Variants in PLCB3 observed in about 807,000 individuals in gnomAD.
The protein encoded by PLCB3 is 1-phosphatidylinositol 4,5-bisphosphate phosphodiesterase beta-3.
In PLCB3, 54 loss-of-function variants were observed where a neutral mutation model predicts 152.1. That is an observed-to-expected ratio of 0.36 (90% confidence interval 0.29 to 0.45). The LOEUF is 0.45. Among genes scored for constraint, PLCB3 ranks in the 20% least tolerant of loss-of-function variants. PLCB3 has a pLI of 1.00. For missense variants in PLCB3, 1,248 were observed against 1,687.5 expected (o/e 0.74, Z 4.56); for synonymous variants, 717 against 698.7 (o/e 1.03, Z -0.41).
chr11:64,262,726 C>G lies in PLCB3; in HGVS notation c.2273C>G (p.Thr758Arg). ...EVDMFGLPVD[T>R]RRKYRTRTSQ... ...GACATGTTTGGCCTCCCTGTTGATA[C>G]GCGGCGCAAGTACCGCACCCGGACC... The change falls in exon 19 of 31, where the codon ACG becomes AGG. Residue 758 changes from threonine to arginine, a missense_variant. Thr to Arg is a moderately conservative substitution (Grantham distance 71). Around this residue, in one of 6 missense-constraint regions of PLCB3, gnomAD observed 244 missense variants for 424.4 expected, o/e 0.57. Coordinates refer to ENST00000279230, the MANE Select transcript of PLCB3 (RefSeq NM_000932.5). 1 of 1,613,862 alleles carries G rather than the reference C, an allele frequency of 6.2e-7. No homozygotes were observed. Among genetic ancestry groups the G allele is most frequent in the Non-Finnish European group, 8.5e-7 (1 of 1,179,986 alleles).
Position 64,261,459 on chromosome 11 carries a change from C to A in PLCB3, c.1791C>A (p.Ile597=), listed in dbSNP as rs373608404. The change falls in exon 15 of 31, where the codon ATC becomes ATA. Residue 597 remains isoleucine, a synonymous_variant. Transcript: ENST00000279230. ...TEEMSTLVNY[I]EPVKFKSFEA... is the part of the protein sequence containing the mutation. Reference sequence around the variant, plus strand: ...AGATGTCCACGCTTGTCAACTACATCGAACCTGTCAAGTTCAAGTCCTTTG... The same window carrying A: ...AGATGTCCACGCTTGTCAACTACATAGAACCTGTCAAGTTCAAGTCCTTTG... The A allele has an allele frequency of 1.4e-5, 23 of 1,614,108 alleles. No individual in the cohort carries two copies. The highest frequency in any genetic ancestry group is 1.9e-5 in the Non-Finnish European group (23 of 1,179,956).
chr11:64,254,854 C>G, intron 3 of PLCB3, 38 bp downstream of exon 3: 1 of 1,613,738 alleles, frequency 6.2e-7, no homozygotes, highest in Non-Finnish European at 8.5e-7. Flanking sequence ...CACAGCGAGG[C>G]TGTGCGGGAG....
Position 64,266,812 on chromosome 11 carries a change from T to C in PLCB3, c.3414+260T>C, listed in dbSNP as rs1243980931. On this transcript the variant is annotated intron_variant, in intron 29 of 30. Coordinates refer to ENST00000279230, the MANE Select transcript of PLCB3 (RefSeq NM_000932.5). This position sits in a 1 kb window ranked among gnomAD's most constrained non-coding sequence, Gnocchi z 4.9. ...GAGCCTTCGCCCACCTGACTTCTTT[T>C]TCTTTGAGACAGAGTCTCACTCTGT... is the stretch of plus-strand genomic sequence containing the variant. Among the ~76,000 whole-genome samples, 1 of 150,902 alleles carries C rather than the reference T, an allele frequency of 6.6e-6. No individual in the cohort carries two copies. The highest frequency in any genetic ancestry group is 2.4e-5 in the African/African-American group (1 of 40,944).
Position 64,258,347 on chromosome 11 carries a change from G to T in PLCB3, c.1013-126G>T. ...GCTCACGCTGGTGGGATGGACAGGT[G>T]GTGGGTATCCATCTGAGAGATGGAG... On this transcript the variant is annotated intron_variant, in intron 10 of 30. Coordinates refer to ENST00000279230, the MANE Select transcript of PLCB3 (RefSeq NM_000932.5). The surrounding 1 kb of genome is among the most constrained non-coding windows in gnomAD (Gnocchi z 7.2). 9.5e-7 allele frequency: 1 copy of T among 1,056,930 alleles called. No homozygotes were observed. The highest frequency in any genetic ancestry group is 1.6e-5 in the South Asian group (1 of 63,652). 65.5% of individuals were successfully genotyped at this position (1,056,930 alleles called of 1,614,324 possible). A position where few individuals can be genotyped will look rare whatever the true frequency, so the allele number is the denominator to read the frequency against.
chr11:64,252,042 AGACT>A (rs1051917146), intron 1 of PLCB3, among the ~76,000 whole-genome samples: 2 of 151,754 alleles, frequency 1.3e-5, no homozygotes, highest in African/African-American at 4.8e-5. Flanking sequence ...GCTCCCTGCC[AGACT>A]AATTCTCGTT....
rs112796399 is a variant in PLCB3, at chr11:64,254,738, T to A, written c.178-10T>A. The A allele has an allele frequency of 1.9e-6, 3 of 1,612,056 alleles. No individual in the cohort carries two copies. Among genetic ancestry groups the A allele is most frequent in the Non-Finnish European group, 2.5e-6 (3 of 1,179,662 alleles). ...CTCTCATACTCAGCCTGGCATCTGGTTCCCCCCAGGAGGTGGACACACTGG... is the reference window on the plus strand; with the variant it reads ...CTCTCATACTCAGCCTGGCATCTGGATCCCCCCAGGAGGTGGACACACTGG... On this transcript the variant is annotated splice_polypyrimidine_tract_variant and intron_variant, in intron 2 of 30. Coordinates refer to ENST00000279230, the MANE Select transcript of PLCB3 (RefSeq NM_000932.5).
rs146411012 is a variant in PLCB3 at position 64,256,703 on chromosome 11, G to A, written c.951G>A (p.Thr317=). The change falls in exon 10 of 31, where the codon ACG becomes ACA. Residue 317 remains threonine (T), a synonymous_variant. Coordinates refer to ENST00000279230, the MANE Select transcript of PLCB3 (RefSeq NM_000932.5). ...ILPLEALDLS[T]DMTQPLSAYF... ...CCCTGGAAGCCCTGGATCTGAGCAC[G>A]GACATGACCCAGCCACTGAGTGCCT... 20 of 1,614,236 alleles carry A rather than the reference G, an allele frequency of 1.2e-5. No homozygotes were observed. The highest frequency in any genetic ancestry group is 1.1e-4 in the East Asian group (5 of 44,882).
chr11:64,256,574 C>T, intron 9 of PLCB3, 32 bp downstream of exon 9: 1 of 1,613,164 alleles, frequency 6.2e-7, no homozygotes, highest in Non-Finnish European at 8.5e-7. Context: ...TGGGTGGGGG[C>T]AGGTGGGACC....
Position 64,255,477 on chromosome 11 carries a change from C to G in PLCB3, c.521+28C>G, listed in dbSNP as rs753583187. The G allele has an allele frequency of 1.2e-6, 2 of 1,614,088 alleles. No homozygotes were observed. Among genetic ancestry groups the G allele is most frequent in the Non-Finnish European group, 1.7e-6 (2 of 1,179,924 alleles). The stretch of plus-strand genomic sequence containing the variant: ...GAGCACCCCTTCCCCCAGCACCTTC[C>G]TCCTGCCCTGACCTTGGTGACCTTT... On this transcript the variant is annotated intron_variant, in intron 6 of 30. Coordinates refer to ENST00000279230, the MANE Select transcript of PLCB3 (RefSeq NM_000932.5). The surrounding 1 kb of genome is among the most constrained non-coding windows in gnomAD (Gnocchi z 6.8).
rs1390336440 is a variant in PLCB3 at position 64,258,637 on chromosome 11, C to CTGGA, written c.1178_1181dup (p.Glu394AspfsTer35). The CTGGA allele has an allele frequency of 6.2e-7, 1 of 1,613,858 alleles. No homozygotes were observed. The highest frequency in any genetic ancestry group is 1.3e-5 in the African/African-American group (1 of 74,918). ...CACAGAGGTGCCTCTGCGCGACGTG[C>CTGGA]TGGAGGCCATTGCCGAGACTGCCTT... is the stretch of plus-strand genomic sequence containing the variant. On this transcript the variant is annotated frameshift_variant, in exon 11 of 31. Coordinates refer to ENST00000279230, the MANE Select transcript of PLCB3 (RefSeq NM_000932.5). LOFTEE classifies it high-confidence loss of function. This position sits in a 1 kb window ranked among gnomAD's most constrained non-coding sequence, Gnocchi z 7.2.
chr11:64,254,458 A>T lies in PLCB3; in HGVS notation c.143A>T (p.Asn48Ile). ...RNLVTLRVDP[N>I]GFFLYWTGPN... ...CTGGTGACCCTGCGTGTGGACCCCA[A>T]TGGCTTCTTCTTGTACTGGACGGGC... Residue 48 changes from asparagine (N) to isoleucine (I), a missense_variant, in exon 2 of 31, where the codon AAT becomes ATT. Physicochemically the swap from Asn to Ile is moderately radical, Grantham distance 149. Around this residue, in one of 6 missense-constraint regions of PLCB3, gnomAD observed 299 missense variants for 434.7 expected, o/e 0.69. Transcript: ENST00000279230. The T allele has an allele frequency of 1.2e-6, 2 of 1,613,918 alleles. No individual in the cohort carries two copies.
chr11:64,269,008 C>T (rs1392279185), downstream of PLCB3: 1 of 152,334 alleles, frequency 6.6e-6, no homozygotes, highest in Non-Finnish European at 1.5e-5. Flanking sequence ...CAGTGTATTC[C>T]GTATCTAGGC....
chr11:64,265,991 G>A lies in PLCB3; in HGVS notation c.3141G>A (p.Glu1047=), dbSNP rs1034421440. 2.5e-6 allele frequency: 4 copies of A among 1,613,980 alleles called. No homozygotes were observed. The African/African-American group carries it at 5.3e-5, about 22-fold the overall frequency. The change falls in exon 26 of 31, where the codon GAG becomes GAA. Residue 1047 remains glutamate (E), a synonymous_variant. Transcript: ENST00000279230. ...RQVQSLLELR[E]AQVDAEAQRR... Reference sequence around the variant, plus strand: ...TGCAGAGCCTGCTGGAGCTGCGGGAGGCCCAGGTGGACGCAGAGGCCCAGC... The same window carrying A: ...TGCAGAGCCTGCTGGAGCTGCGGGAAGCCCAGGTGGACGCAGAGGCCCAGC...
chr11:64,265,369 A>G lies in PLCB3; in HGVS notation c.2902A>G (p.Ser968Gly). The change falls in exon 25 of 31, where the codon AGC becomes GGC. Residue 968 changes from serine to glycine, a missense_variant. Ser to Gly is a moderately conservative substitution (Grantham distance 56). Transcript: ENST00000279230. ...RGHKALVKLRSRQERDLRELR... is the reference protein window; with the variant it reads ...RGHKALVKLRGRQERDLRELR... The stretch of plus-strand genomic sequence containing the variant: ...TCACAAGGCTCTGGTCAAGCTCCGG[A>G]GCCGGCAAGAGCGAGACCTGCGGGA... 1 of 1,601,434 alleles carries G rather than the reference A, an allele frequency of 6.2e-7. No individual in the cohort carries two copies. The highest frequency in any genetic ancestry group is 1.1e-5 in the South Asian group (1 of 90,712).
In PLCB3 at chr11:64,255,639, C is replaced by CGGGGTGGGGGGGGGGCCCGGGGGG; in HGVS notation, c.597+32_597+33insGGGGGGCCCGGGGGGGGGGTGGGG. The stretch of plus-strand genomic sequence containing the variant: ...CGGGTGTGTGGGGTGGGGACAGGGG[C>CGGGGTGGGGGGGGGGCCCGGGGGG]GGGGTGGGGTGTCACGGTGGGCACC... On this transcript the variant is annotated intron_variant, in intron 7 of 30. Coordinates refer to ENST00000279230, the MANE Select transcript of PLCB3 (RefSeq NM_000932.5). This position sits in a 1 kb window ranked among gnomAD's most constrained non-coding sequence, Gnocchi z 6.8. The CGGGGTGGGGGGGGGGCCCGGGGGG allele has an allele frequency of 1.5e-6, 1 of 645,364 alleles. No homozygotes were observed. The highest frequency in any genetic ancestry group is 4.5e-5 in the East Asian group (1 of 22,116). The allele number at this position is 645,364 out of a possible 1,614,324, so 40.0% of individuals were successfully genotyped here. A position where few individuals can be genotyped will look rare whatever the true frequency, so the allele number is the denominator to read the frequency against.
chr11:64,251,658 C>G lies in PLCB3; in HGVS notation c.9C>G (p.Gly3=). 1 of 1,464,244 alleles carries G rather than the reference C, an allele frequency of 6.8e-7. No individual in the cohort carries two copies. Among genetic ancestry groups the G allele is most frequent in the East Asian group, 3.0e-5 (1 of 33,134 alleles). The allele number at this position is 1,464,244 out of a possible 1,614,324, so 90.7% of individuals were successfully genotyped here. The part of the protein sequence containing the change: MA[G]AQPGVHALQL... ...CCGCCCCTGGCCGGGCCATGGCGGG[C>G]GCCCAGCCCGGCGTCCACGCGCTGC... The change falls in exon 1 of 31, where the codon GGC becomes GGG. Residue 3 remains glycine, a synonymous_variant. Coordinates refer to ENST00000279230, the MANE Select transcript of PLCB3 (RefSeq NM_000932.5).
At chr11:64,259,923 G>C (rs1591107832) in intron 13 of PLCB3, 106 bp from the exon 14 acceptor site, 1 of 909,674 alleles carries the variant, frequency 1.1e-6, no homozygotes, top group East Asian at 2.6e-5. Context: ...AGTACCCCTT[G>C]AATTCCCCAC....
chr11:64,260,520 G>A (rs2031793639), intron 14 of PLCB3, among the ~76,000 whole-genome samples: 1 of 152,032 alleles, frequency 6.6e-6, no homozygotes, highest in African/African-American at 2.4e-5. Context: ...AAGGGGGACA[G>A]CATGTACAAA....
chr11:64,262,171 C>G, intron 17 of PLCB3, 95 bp downstream of exon 17: 1 of 1,537,750 alleles, frequency 6.5e-7, no homozygotes, highest in Non-Finnish European at 9.0e-7. Flanking sequence ...GACCTCTGAC[C>G]CTGTCTCATC....
Sources: allele counts gnomAD v4.1 joint callset (sites outside exome capture counted in the v4.1 genomes callset), GRCh38; gene constraint gnomAD v4.1.1; regional missense constraint gnomAD v4.1.1; non-coding constraint Gnocchi (gnomAD v3.1); transcripts MANE v1.5; gene names NCBI Gene and HGNC (gene_info 2026-07-23, HGNC 2026-07-21).